Variants in MEIS2 observed in about 807,000 individuals in gnomAD.
MEIS2 encodes homeobox protein Meis2.
A neutral mutation model predicts 58.6 loss-of-function variants in MEIS2; 9 were observed. The observed-to-expected ratio is 0.15, with a 90% CI of 0.09 to 0.27. The LOEUF is 0.27. MEIS2 is among the 10% of genes least tolerant of loss of function. MEIS2 has a pLI of 1.00. For synonymous variants in MEIS2, 221 were observed against 228.4 expected, an observed-to-expected ratio of 0.97 and a Z score of 0.29; for missense variants, 427 against 635.0, an observed-to-expected ratio of 0.67 and a Z score of 3.52.
chr15:37,037,826 A>G (rs1363019001), intron 7 of MEIS2, among the ~76,000 whole-genome samples: 1 of 152,244 alleles, frequency 6.6e-6, no homozygotes, highest in Admixed American at 6.5e-5. Flanking sequence ...GGAAGGCATC[A>G]ATCAAGAGCA....
At chr15:37,059,735 G>C (rs1432291651) in intron 7 of MEIS2, among the ~76,000 whole-genome samples, 1 of 151,848 alleles carries the variant, frequency 6.6e-6, no homozygotes, top group Non-Finnish European at 1.5e-5. Context: ...CCAGGAGTTA[G>C]AGACCAGCCT....
At chr15:36,942,418 G>A (rs925440284) in intron 9 of MEIS2, among the ~76,000 whole-genome samples, 2 of 152,074 alleles carry the variant, frequency 1.3e-5, no homozygotes, top group African/African-American at 4.8e-5. Context: ...TGAGTGTCGC[G>A]AATTGGGCGG....
At chr15:37,086,099 T>C (rs139919522) in intron 6 of MEIS2, among the ~76,000 whole-genome samples, 2 of 152,376 alleles carry the variant, frequency 1.3e-5, no homozygotes, top group Non-Finnish European at 2.9e-5. Flanking sequence ...GTTAATTTTA[T>C]GCACTGCAGG....
intron 6 of MEIS2, among the ~76,000 whole-genome samples, chr15:37,091,342 G>A (rs369213806): frequency 2.0e-5 from 3 of 152,058 alleles, no homozygotes; most frequent in African/African-American, 7.2e-5. Flanking sequence ...AAATCTCTCC[G>A]TTTTCTACTT....
intron 8 of MEIS2, among the ~76,000 whole-genome samples, chr15:37,018,485 T>G (rs1313869080): frequency 1.3e-5 from 2 of 152,258 alleles, no homozygotes; most frequent in Non-Finnish European, 2.9e-5. Context: ...AAAGTAGTGT[T>G]GGTTTTTGTG....
intron 9 of MEIS2, among the ~76,000 whole-genome samples, chr15:36,921,612 C>T (rs2057510686): frequency 6.6e-6 from 1 of 152,128 alleles, no homozygotes; most frequent in Non-Finnish European, 1.5e-5. Context: ...CCAAAGTGTG[C>T]CCCCACCTTT....
intron 7 of MEIS2, among the ~76,000 whole-genome samples, chr15:37,078,605 C>CAAAAAAA (rs540405090): frequency 1.4e-5 from 1 of 69,412 alleles, no homozygotes; most frequent in Non-Finnish European, 2.6e-5. Context: ...AAAAAACAAC[C>CAAAAAAA]AAAAAAAAAA....
chr15:37,056,756 C>T (rs1034139495), intron 7 of MEIS2, among the ~76,000 whole-genome samples: 4 of 152,176 alleles, frequency 2.6e-5, no homozygotes, highest in African/African-American at 9.7e-5. Flanking sequence ...GAAACATTTC[C>T]AGGCTGGGTT....
At chr15:37,047,687 T>G (rs1299900864) in intron 7 of MEIS2, among the ~76,000 whole-genome samples, 1 of 152,214 alleles carries the variant, frequency 6.6e-6, no homozygotes, top group Admixed American at 6.5e-5. Context: ...AAAAATGAGT[T>G]GTTATGATAT....
At chr15:36,959,307 T>C (rs1562806) in intron 8 of MEIS2, among the ~76,000 whole-genome samples, 5,158 of 152,226 alleles carry the variant, frequency 0.034, 134 homozygotes, top group Non-Finnish European at 0.049. Context: ...ATATCCTACG[T>C]CTTTCTTTGC....
At chr15:36,939,703 T>A (rs1447178692) in intron 9 of MEIS2, among the ~76,000 whole-genome samples, 1 of 152,242 alleles carries the variant, frequency 6.6e-6, no homozygotes, top group Non-Finnish European at 1.5e-5. Context: ...CACAATTGCT[T>A]AATAAAATTG....
At position 36,908,764 on chromosome 15, in the gene MEIS2, G is replaced by A. The variant is rs184854474; in HGVS notation, c.978-12078C>T. 5.3e-4 allele frequency among the ~76,000 whole-genome samples: 81 copies of A among 151,880 alleles called. 1 individual carries two copies. In the South Asian group the frequency reaches 9.5e-3, roughly 18 times the overall value. ...AGCCTGACCAACGTGGAGAAACCCC[G>A]TCTCTACTAAAAATACAAAAAAGTA... On this transcript the variant is annotated intron_variant, in intron 9 of 11. Coordinates refer to ENST00000561208, the MANE Select transcript of MEIS2 (RefSeq NM_170675.5).
At chr15:37,024,844 G>T (rs899077758) in intron 8 of MEIS2, among the ~76,000 whole-genome samples, 7 of 152,186 alleles carry the variant, frequency 4.6e-5, no homozygotes, top group African/African-American at 1.7e-4. Context: ...TTCTCAGGAT[G>T]AAGAGTTTAG....
intron 1 of MEIS2, 25 bp downstream of exon 1, chr15:37,099,430 G>T: frequency 6.2e-7 from 1 of 1,614,116 alleles, no homozygotes. Flanking sequence ...TTATATCTAG[G>T]TAAGTGTTGG....
At chr15:36,956,588 C>G (rs972737129) in intron 8 of MEIS2, among the ~76,000 whole-genome samples, 5 of 152,044 alleles carry the variant, frequency 3.3e-5, no homozygotes, top group South Asian at 2.1e-4. Flanking sequence ...TGTTTTTTCA[C>G]TGGGGTTACT....
At chr15:37,058,113 T>A (rs1199081738) in intron 7 of MEIS2, among the ~76,000 whole-genome samples, 1 of 152,094 alleles carries the variant, frequency 6.6e-6, no homozygotes, top group African/African-American at 2.4e-5. Context: ...CTGGGAATGC[T>A]TCTACAGCAA....
At chr15:36,946,750 T>C (rs750405709) in intron 9 of MEIS2, among the ~76,000 whole-genome samples, 4 of 151,964 alleles carry the variant, frequency 2.6e-5, no homozygotes, top group Non-Finnish European at 5.9e-5. Context: ...GACCATTATC[T>C]CCATTTCACA....
intron 8 of MEIS2, among the ~76,000 whole-genome samples, chr15:36,995,878 T>C (rs112997305): frequency 1.4e-5 from 2 of 146,722 alleles, no homozygotes; most frequent in African/African-American, 5.0e-5. Flanking sequence ...TGAATCTTTG[T>C]ATTATTATTT....
intron 8 of MEIS2, among the ~76,000 whole-genome samples, chr15:36,976,801 A>T (rs1215261209): frequency 6.6e-6 from 1 of 152,150 alleles, no homozygotes; most frequent in Non-Finnish European, 1.5e-5. Context: ...AGAGGAGTAA[A>T]ACACAATCCC....
Sources: gnomAD v4.1 joint callset for allele counts (sites outside exome capture counted in the v4.1 genomes callset) on GRCh38, gnomAD v4.1.1 for gene constraint, MANE v1.5 for transcripts, NCBI Gene and HGNC (gene_info 2026-07-23, HGNC 2026-07-21) for gene names.